Variants in C4orf50 observed in about 807,000 individuals in gnomAD.
C4orf50 encodes chromosome 4 open reading frame 50.
Under a neutral mutation model 77.2 loss-of-function variants are expected in C4orf50, and 80 were observed. The observed-to-expected ratio is 1.04, with a 90% CI of 0.87 to 1.25. C4orf50 has a LOEUF of 1.25. Among genes scored for constraint, C4orf50 ranks in the 50% most tolerant of loss-of-function variants. The pLI, the probability that C4orf50 is intolerant of heterozygous loss-of-function variation, is 0.00. For missense variants in C4orf50, 1,257 were observed against 1,152.9 expected (o/e 1.09, Z -1.31); for synonymous variants, 532 against 465.3 (o/e 1.14, Z -1.84).
At chr4:6,016,894 G>A (rs1268472988) in intron 23 of C4orf50, among the ~76,000 whole-genome samples, 1 of 152,190 alleles carries the variant, frequency 6.6e-6, no homozygotes, top group Non-Finnish European at 1.5e-5. Context: ...AGAAAATGGG[G>A]AAGTCCCGCA....
intron 7 of C4orf50, among the ~76,000 whole-genome samples, chr4:5,936,492 G>A (rs1425303289): frequency 7.1e-6 from 1 of 140,754 alleles, no homozygotes; most frequent in Non-Finnish European, 1.5e-5. Flanking sequence ...AACCCAGGAG[G>A]TGAAGGCTGC....
chr4:5,944,203 T>C (rs1718388370), intron 7 of C4orf50, among the ~76,000 whole-genome samples: 1 of 152,160 alleles, frequency 6.6e-6, no homozygotes, highest in African/African-American at 2.4e-5. Context: ...GTCTCTAAGC[T>C]CCCTTCTTCT....
chr4:5,938,496 G>T (rs953254277), intron 7 of C4orf50, among the ~76,000 whole-genome samples: 2 of 152,158 alleles, frequency 1.3e-5, no homozygotes, highest in Admixed American at 6.5e-5. Flanking sequence ...GTGGCCTTAG[G>T]ATGGGGAAAG....
In C4orf50 at chr4:6,011,756, A is replaced by C. The variant is rs1004205937; in HGVS notation, c.426+74T>G. On this transcript the variant is annotated intron_variant, in intron 24 of 33. Transcript: ENST00000531445. This position sits in a 1 kb window ranked among gnomAD's most constrained non-coding sequence, Gnocchi z 4.2. ...GCCCACCCTGTACTGTCTTTGCCCA[A>C]CTGCAGCTGCTGCTGAGTTCCCACG... 1 of 398,904 alleles carries C rather than the reference A, an allele frequency of 2.5e-6. No homozygotes were observed. Among genetic ancestry groups the C allele is most frequent in the African/African-American group, 2.1e-5 (1 of 48,742 alleles). 24.7% of individuals were successfully genotyped at this position (398,904 alleles called of 1,614,324 possible). A position where few individuals can be genotyped will look rare whatever the true frequency, so the allele number is the denominator to read the frequency against.
At chr4:5,972,293 G>A (rs997985679) in intron 31 of C4orf50, among the ~76,000 whole-genome samples, 4 of 152,104 alleles carry the variant, frequency 2.6e-5, no homozygotes, top group African/African-American at 7.2e-5. Flanking sequence ...ACGAGCCACC[G>A]CGCCCGGCCT....
chr4:5,941,401 C>T (rs79619666), intron 7 of C4orf50, among the ~76,000 whole-genome samples: 5,886 of 152,264 alleles, frequency 0.039, 321 homozygotes, highest in African/African-American at 0.12. Context: ...CTGGTTCCTG[C>T]ACCCGTTGCT....
intron 25 of C4orf50, among the ~76,000 whole-genome samples, chr4:5,998,605 T>A (rs777308505): frequency 3.5e-4 from 53 of 152,220 alleles, no homozygotes; most frequent in Non-Finnish European, 5.4e-4. Context: ...AGCTCTGGGA[T>A]GACAGTGGAC....
chr4:5,973,770 C>A (rs754789345), exon 31 of C4orf50: 1 of 1,613,768 alleles, frequency 6.2e-7, no homozygotes, highest in South Asian at 1.1e-5. Flanking sequence ...CATGTCTGTG[C>A]AGCTCCTGCA....
chr4:5,980,444 T>G, intron 28 of C4orf50, 106 bp from the exon 7 acceptor site: 1 of 980,268 alleles, frequency 1.0e-6, no homozygotes. Flanking sequence ...TTTTTTTTTG[T>G]TGTTGTTGTT....
chr4:5,946,066 A>C (rs13121232), intron 7 of C4orf50, among the ~76,000 whole-genome samples: 111,594 of 152,172 alleles, frequency 0.73, 42,864 homozygotes, highest in African/African-American at 0.93. Flanking sequence ...TCTATGGCAG[A>C]CCCCGGCTCT....
rs1247695132 is a variant in C4orf50 at position 5,989,511 on chromosome 4, C to T, written c.2535G>A (p.Trp845Ter). The change falls in exon 28 of 34, where the codon TGG becomes TGA. Residue 845 changes from tryptophan to a stop codon, truncating the protein, a stop_gained. Transcript: ENST00000531445. LOFTEE classifies it high-confidence loss of function. ...AGTGAGCTCTCTCCCAGCCACTGTG[C>T]CACTTCTGAGCAAAGCTCCAGTTCT... 1 of 1,536,148 alleles carries T rather than the reference C, an allele frequency of 6.5e-7. No homozygotes were observed. The highest frequency in any genetic ancestry group is 8.7e-7 in the Non-Finnish European group (1 of 1,146,922).
rs551565983 is a variant in C4orf50 at position 6,014,789 on chromosome 4, C to G, written c.288-2821G>C. Among the ~76,000 whole-genome samples the G allele has an allele frequency of 2.1e-3, 321 of 152,322 alleles. 1 individual carries two copies. Among genetic ancestry groups the G allele is most frequent in the Non-Finnish European group, 3.9e-3 (263 of 68,026 alleles). On this transcript the variant is annotated intron_variant, in intron 23 of 33. Coordinates refer to ENST00000531445, the Ensembl canonical transcript of C4orf50. ...ATGGGGCAAGTATGGGAGGGCCCAG[C>G]CCTGTGCCAGCTCCCTTTTCTCCTC...
At chr4:5,953,139 G>A (rs1471693631), downstream of C4orf50, among the ~76,000 whole-genome samples, 1 of 152,054 alleles carries the variant, frequency 6.6e-6, no homozygotes, top group Non-Finnish European at 1.5e-5. Flanking sequence ...GTGAGTCCCC[G>A]CCCCACTGAT....
In C4orf50 at chr4:6,000,897, C is replaced by G. The variant is rs1325075255; in HGVS notation, c.964-6421G>C. Among the ~76,000 whole-genome samples the G allele has an allele frequency of 1.3e-5, 2 of 152,190 alleles. No homozygotes were observed. The highest frequency in any genetic ancestry group is 4.8e-5 in the African/African-American group (2 of 41,458). ...CCCCCCAAAACTCATCCGTTAAAAC[C>G]CATATCCCCAAAGGGATGTTATTAG... On this transcript the variant is annotated intron_variant, in intron 25 of 33. Coordinates refer to ENST00000531445, the Ensembl canonical transcript of C4orf50. This position sits in a 1 kb window ranked among gnomAD's most constrained non-coding sequence, Gnocchi z 6.0.
Position 6,009,926 on chromosome 4 carries a change from G to C in C4orf50, c.427-1394C>G, listed in dbSNP as rs1469533532. On this transcript the variant is annotated intron_variant, in intron 24 of 33. Transcript: ENST00000531445. The surrounding 1 kb of genome is among the most constrained non-coding windows in gnomAD (Gnocchi z 5.6). ...TGGGGTTTTGTGATGAGTCTTTCCC[G>C]GGAGCATACACAGCACATGAGACAG... Among the ~76,000 whole-genome samples, 1 of 152,114 alleles carries C rather than the reference G, an allele frequency of 6.6e-6. No homozygotes were observed. Among genetic ancestry groups the C allele is most frequent in the Non-Finnish European group, 1.5e-5 (1 of 68,032 alleles).
At chr4:6,004,432 GTGA>G (rs1722141802) in intron 25 of C4orf50, among the ~76,000 whole-genome samples, 1 of 71,246 alleles carries the variant, frequency 1.4e-5, no homozygotes, top group Admixed American at 1.6e-4. Context: ...GGTGATGGTG[GTGA>G]TGATGTGATG....
At position 6,015,420 on chromosome 4, in the gene C4orf50, C is replaced by G. The variant is rs1352986148; in HGVS notation, c.287+2725G>C. Among the ~76,000 whole-genome samples the G allele has an allele frequency of 6.6e-6, 1 of 152,118 alleles. No individual in the cohort carries two copies. The highest frequency in any genetic ancestry group is 2.4e-5 in the African/African-American group (1 of 41,430). On this transcript the variant is annotated intron_variant, in intron 23 of 33. Transcript: ENST00000531445. This position sits in a 1 kb window ranked among gnomAD's most constrained non-coding sequence, Gnocchi z 4.4. ...AGGAGAAACCAATCCTGCCGACCCC[C>G]CGAGCTTGGGCTTTTGGGATCCAGA... is the stretch of plus-strand genomic sequence containing the variant.
At chr4:6,005,263 A>C (rs2108807098) in intron 25 of C4orf50, among the ~76,000 whole-genome samples, 1 of 152,282 alleles carries the variant, frequency 6.6e-6, no homozygotes, top group South Asian at 2.1e-4. Context: ...GCTGGGGACC[A>C]CACTTGATGG....
chr4:5,935,563 G>A (rs561221387), intron 7 of C4orf50, among the ~76,000 whole-genome samples: 47 of 152,162 alleles, frequency 3.1e-4, no homozygotes, highest in South Asian at 1.0e-3. Context: ...CAAGGCAGGC[G>A]GATAACGAGG....
Sources: allele counts gnomAD v4.1 joint callset (sites outside exome capture counted in the v4.1 genomes callset), GRCh38; gene constraint gnomAD v4.1.1; non-coding constraint Gnocchi (gnomAD v3.1); transcripts MANE v1.5; gene names NCBI Gene and HGNC (gene_info 2026-07-23, HGNC 2026-07-21).